TMEM132C: variants seen among roughly 807,000 people sequenced by gnomAD.
TMEM132C encodes the protein protein phosphatase 1, regulatory subunit 152.
TMEM132C carries 29 observed loss-of-function variants against 61.4 expected under a neutral mutation model. That is an observed-to-expected ratio of 0.47 (90% CI 0.35 to 0.64). The LOEUF is 0.64. Ranked by LOEUF, TMEM132C falls within the 30% of genes least tolerant of loss-of-function variation. The pLI is 0.00. For missense variants in TMEM132C, 1,408 were observed against 1,476.9 expected (o/e 0.95, Z 0.76); for synonymous variants, 656 against 633.1 (o/e 1.04, Z -0.54).
chr12:128,613,555 G>A (rs1876705352), intron 3 of TMEM132C, among the ~76,000 whole-genome samples: 1 of 152,174 alleles, frequency 6.6e-6, no homozygotes, highest in Admixed American at 6.5e-5. Flanking sequence ...ATTCATGCTT[G>A]AGATTTGCAG....
Position 128,684,007 on chromosome 12 carries a change from T to TAAATAAAG in TMEM132C, c.1450-9818_1450-9817insAAAGAAAT, listed in dbSNP as rs1555243077. Among the ~76,000 whole-genome samples the TAAATAAAG allele has an allele frequency of 1.1e-3, 149 of 139,100 alleles. No individual in the cohort carries two copies. The Middle Eastern group carries it at 0.022, about 20-fold the overall frequency. 91.3% of individuals were successfully genotyped at this position (139,100 alleles called of 152,430 possible). A position where few individuals can be genotyped will look rare whatever the true frequency, so the allele number is the denominator to read the frequency against. ...ATAAATAAATAAATAAATAAATAAA[T>TAAATAAAG]AAATGTTGGTGCCTCTTATTGAATC... On this transcript the variant is annotated intron_variant, in intron 5 of 8. Transcript: ENST00000435159.
intron 1 of TMEM132C, among the ~76,000 whole-genome samples, chr12:128,412,157 T>C (rs1322672560): frequency 6.6e-6 from 1 of 152,258 alleles, no homozygotes; most frequent in Non-Finnish European, 1.5e-5. Flanking sequence ...TATTCATTAA[T>C]ACAATTAAGT....
intron 4 of TMEM132C, among the ~76,000 whole-genome samples, chr12:128,619,203 T>C (rs916226591): frequency 3.9e-5 from 6 of 152,216 alleles, no homozygotes; most frequent in Non-Finnish European, 5.9e-5. Context: ...TTCCAATTTG[T>C]TGATCGTTTT....
At chr12:128,369,693 G>A (rs1236984171) in intron 1 of TMEM132C, among the ~76,000 whole-genome samples, 3 of 152,180 alleles carry the variant, frequency 2.0e-5, no homozygotes, top group Non-Finnish European at 2.9e-5. Context: ...TTCTTCTCAA[G>A]TTTCAGCCTT....
In TMEM132C at chr12:128,312,450, C is replaced by T. The variant is rs552575694; in HGVS notation, c.85+44963C>T. Among the ~76,000 whole-genome samples, 29 of 152,206 alleles carry T rather than the reference C, an allele frequency of 1.9e-4. No individual in the cohort carries two copies. In the South Asian group the frequency reaches 5.2e-3, roughly 27 times the overall value. On this transcript the variant is annotated intron_variant, in intron 1 of 8. Transcript: ENST00000435159. ...CCTCCTGTGTAGCTGGGTCTACAACCGCCCACCAACACACCTGACTGATTT... is the reference window on the plus strand; with the variant it reads ...CCTCCTGTGTAGCTGGGTCTACAACTGCCCACCAACACACCTGACTGATTT...
chr12:128,622,354 AAAAAAAATATATATATATATATAT>A (rs1445903847), intron 4 of TMEM132C, among the ~76,000 whole-genome samples: 3,640 of 66,282 alleles, frequency 0.055, 464 homozygotes, highest in African/African-American at 0.22. Context: ...AAAAAAAAAA[AAAAAAAATATATATATATATATAT>A]ATATATATAT....
chr12:128,397,064 G>T (rs1874982810), intron 1 of TMEM132C, among the ~76,000 whole-genome samples: 1 of 152,126 alleles, frequency 6.6e-6, no homozygotes, highest in Admixed American at 6.6e-5. Flanking sequence ...CCAATCAGGT[G>T]CCCCCACCAT....
chr12:128,388,330 C>T (rs1874652898), intron 1 of TMEM132C, among the ~76,000 whole-genome samples: 1 of 152,264 alleles, frequency 6.6e-6, no homozygotes. Flanking sequence ...CGAATCCAGC[C>T]TGCTGTTGCC....
chr12:128,696,048 C>T lies in TMEM132C; in HGVS notation c.1874C>T (p.Thr625Ile), dbSNP rs1483889065. 1 of 1,551,710 alleles carries T rather than the reference C, an allele frequency of 6.4e-7. No homozygotes were observed. Among genetic ancestry groups the T allele is most frequent in the South Asian group, 1.2e-5 (1 of 84,056 alleles). ...AAGCTGGAGGAACCTCACGTGGCCA[C>T]CCTCCAGGACAGCCGGGTCCTGGTT... Reference protein sequence around the residue: ...FMKLEEPHVATLQDSRVLVGR... With the variant: ...FMKLEEPHVAILQDSRVLVGR... The change falls in exon 7 of 9, where the codon ACC (threonine) becomes ATC (isoleucine). Residue 625 changes from threonine (T) to isoleucine (I), a missense_variant. Thr to Ile is a moderately conservative substitution (Grantham distance 89, BLOSUM62 -1). Transcript: ENST00000435159.
At chr12:128,528,915 A>G (rs1320297000) in intron 2 of TMEM132C, among the ~76,000 whole-genome samples, 1 of 152,142 alleles carries the variant, frequency 6.6e-6, no homozygotes, top group African/African-American at 2.4e-5. Flanking sequence ...TGCTCAGGAA[A>G]AGTTACTGTC....
chr12:128,503,807 C>T (rs867833864), intron 2 of TMEM132C, among the ~76,000 whole-genome samples: 1 of 152,226 alleles, frequency 6.6e-6, no homozygotes, highest in Admixed American at 6.5e-5. Flanking sequence ...GCCTGACTGT[C>T]AACCCTCAGT....
chr12:128,382,318 A>G (rs922073175), intron 1 of TMEM132C, among the ~76,000 whole-genome samples: 4 of 152,300 alleles, frequency 2.6e-5, no homozygotes, highest in Middle Eastern at 3.4e-3. Context: ...CTGTAGGAAT[A>G]TTATTTCCTT....
At chr12:128,541,401 C>G (rs1388502906) in intron 2 of TMEM132C, among the ~76,000 whole-genome samples, 1 of 152,164 alleles carries the variant, frequency 6.6e-6, no homozygotes, top group Admixed American at 6.5e-5. Flanking sequence ...ATGAGCCCCT[C>G]TGTTCCCACT....
At position 128,471,260 on chromosome 12, in the gene TMEM132C, C is replaced by T. The variant is rs1390270331; in HGVS notation, c.974+55640C>T. On this transcript the variant is annotated intron_variant, in intron 2 of 8. Coordinates refer to ENST00000435159, the MANE Select transcript of TMEM132C (RefSeq NM_001136103.3). ...CAGGTGGAGTTGGGGGAAAATCGCC[C>T]TCAGTGGACAACTTATATTTTAAAT... Among the ~76,000 whole-genome samples, 7 of 152,290 alleles carry T rather than the reference C, an allele frequency of 4.6e-5. 1 individual carries two copies. In the Middle Eastern group the frequency reaches 0.01, roughly 222 times the overall value.
At chr12:128,602,455 A>G (rs1876231209) in intron 3 of TMEM132C, among the ~76,000 whole-genome samples, 1 of 152,224 alleles carries the variant, frequency 6.6e-6, no homozygotes, top group African/African-American at 2.4e-5. Context: ...GATCTGCCCA[A>G]GATTGACCCA....
chr12:128,618,055 G>A (rs796844715), intron 4 of TMEM132C, among the ~76,000 whole-genome samples: 3 of 152,304 alleles, frequency 2.0e-5, no homozygotes, highest in African/African-American at 7.2e-5. Flanking sequence ...AGTTCTGCCT[G>A]TTGGCTCATA....
intron 1 of TMEM132C, among the ~76,000 whole-genome samples, chr12:128,377,295 T>G (rs1231113458): frequency 6.6e-6 from 1 of 152,216 alleles, no homozygotes; most frequent in African/African-American, 2.4e-5. Flanking sequence ...CCTCGTGATC[T>G]GCCTGCCTTG....
At chr12:128,694,904 T>C (rs1954747281) in intron 6 of TMEM132C, among the ~76,000 whole-genome samples, 1 of 152,240 alleles carries the variant, frequency 6.6e-6, no homozygotes, top group South Asian at 2.1e-4. Flanking sequence ...ATCCAATCTC[T>C]GCCACTAATT....
intron 3 of TMEM132C, among the ~76,000 whole-genome samples, chr12:128,545,737 T>G (rs1290015212): frequency 6.6e-6 from 1 of 152,226 alleles, no homozygotes; most frequent in Non-Finnish European, 1.5e-5. Flanking sequence ...TTCATAAGTT[T>G]GTGGCCACTT....
Sources: gnomAD v4.1 joint callset for allele counts (sites outside exome capture counted in the v4.1 genomes callset) on GRCh38, gnomAD v4.1.1 for gene constraint, MANE v1.5 for transcripts, NCBI Gene and HGNC (gene_info 2026-07-23, HGNC 2026-07-21) for gene names.